The following GRB7 variants were observed in gnomAD, a reference collection of about 807,000 sequenced individuals.
GRB7 encodes growth factor receptor bound protein 7.
GRB7 carries 47 observed loss-of-function variants against 64.1 expected under a neutral mutation model. The ratio of observed to expected loss-of-function variants is 0.73; its 90% CI spans 0.58 to 0.94. The LOEUF is 0.94. Ranked by LOEUF, GRB7 falls within the 40% of genes least tolerant of loss-of-function variation. GRB7 has a pLI of 0.00. For synonymous variants in GRB7, 277 were observed against 279.9 expected, an observed-to-expected ratio of 0.99 and a Z score of 0.10; for missense variants, 634 against 718.4, an observed-to-expected ratio of 0.88 and a Z score of 1.34.
intron 3 of GRB7, 76 bp downstream of exon 3, chr17:39,742,792 G>C: frequency 6.6e-7 from 1 of 1,522,900 alleles, no homozygotes; most frequent in Non-Finnish European, 8.8e-7. Context: ...CGCTTCCATG[G>C]AGGCAGGGGA....
chr17:39,744,823 A>G, intron 8 of GRB7, 63 bp from the exon 9 acceptor site: 2 of 1,432,826 alleles, frequency 1.4e-6, no homozygotes, highest in Non-Finnish European at 2.0e-6. Flanking sequence ...TGCTATGTGG[A>G]GCAGGGGCAG....
intron 11 of GRB7, 29 bp downstream of exon 11, chr17:39,745,567 G>A (rs1319234160): frequency 6.3e-7 from 1 of 1,578,686 alleles, no homozygotes; most frequent in African/African-American, 1.3e-5. Flanking sequence ...GTGTGTGTTT[G>A]TGCTGGGGAC....
intron 1 of GRB7, among the ~76,000 whole-genome samples, chr17:39,739,692 T>TGGGAGGAC (rs1280659400): frequency 6.6e-6 from 1 of 152,190 alleles, no homozygotes; most frequent in Non-Finnish European, 1.5e-5. Flanking sequence ...ACAAGGAGGT[T>TGGGAGGAC]GGGAGGACGG....
intron 1 of GRB7, among the ~76,000 whole-genome samples, chr17:39,741,244 C>T (rs1362126041): frequency 6.6e-6 from 1 of 152,154 alleles, no homozygotes; most frequent in Non-Finnish European, 1.5e-5. Context: ...GTCATTCAGT[C>T]TGAATGTGGA....
chr17:39,745,864 A>G (rs199655954), intron 12 of GRB7, 49 bp from the exon 13 acceptor site: 3 of 1,610,588 alleles, frequency 1.9e-6, no homozygotes, highest in African/African-American at 2.7e-5. Context: ...AGTAGATGGT[A>G]TAGGGGTCCC....
In GRB7 at chr17:39,744,336, ATC is replaced by A. The variant is rs1428200978; in HGVS notation, c.801+134_801+135del. 9 of 1,124,150 alleles carry A rather than the reference ATC, an allele frequency of 8.0e-6. No homozygotes were observed. The South Asian group carries it at 8.7e-5, about 11-fold the overall frequency. 69.6% of individuals were successfully genotyped at this position (1,124,150 alleles called of 1,614,324 possible). A position where few individuals can be genotyped will look rare whatever the true frequency, so the allele number is the denominator to read the frequency against. ...CCAGGCCAGCCACCTCCAGTTTACCATCTCTCCCTACATCCTTGCCTAGCTCA... is the reference window on the plus strand; with the variant it reads ...CCAGGCCAGCCACCTCCAGTTTACCATCTCCCTACATCCTTGCCTAGCTCA... On this transcript the variant is annotated intron_variant, in intron 7 of 14. Coordinates refer to ENST00000309156, the MANE Select transcript of GRB7 (RefSeq NM_005310.5).
intron 1 of GRB7, among the ~76,000 whole-genome samples, chr17:39,741,995 A>AAG (rs2059998624): frequency 8.6e-6 from 1 of 116,382 alleles, no homozygotes; most frequent in African/African-American, 3.4e-5. Flanking sequence ...AAAAAAAAGG[A>AAG]GAAAAAAAAC....
intron 1 of GRB7, among the ~76,000 whole-genome samples, chr17:39,740,750 G>A (rs1159184780): frequency 6.6e-6 from 1 of 152,164 alleles, no homozygotes; most frequent in Non-Finnish European, 1.5e-5. Context: ...GGCTGTTTTT[G>A]TTTCTCCTAA....
chr17:39,741,024 G>T (rs954412916), intron 1 of GRB7, among the ~76,000 whole-genome samples: 1 of 152,146 alleles, frequency 6.6e-6, no homozygotes, highest in African/African-American at 2.4e-5. Flanking sequence ...TTCCTGCGGA[G>T]AAGGTGCCAG....
Position 39,745,321 on chromosome 17 carries a change from T to C in GRB7, c.1090T>C (p.Leu364=). 6.2e-7 allele frequency: 1 copy of C among 1,611,502 alleles called. No homozygotes were observed. The highest frequency in any genetic ancestry group is 8.5e-7 in the Non-Finnish European group (1 of 1,178,400). Residue 364 remains leucine, a splice_region_variant and synonymous_variant, in exon 10 of 15, where the codon TTG becomes CTG. Transcript: ENST00000309156. ...TCCATCTTGTTTGGGCTCCCCACCC[T>C]TGGTGAGTGTGCCCAAGGGGATGGG... ...LHPSCLGSPP[L]RSASDNTLVA... is the part of the protein sequence containing the mutation.
chr17:39,742,212 G>A (rs1245730031), intron 1 of GRB7, 40 bp from the exon 2 acceptor site: 1 of 1,460,434 alleles, frequency 6.8e-7, no homozygotes, highest in Non-Finnish European at 9.6e-7. Context: ...ACCGCCGTGT[G>A]AGGTCAGGAG....
chr17:39,739,032 T>C, intron 1 of GRB7: 1 of 948,692 alleles, frequency 1.1e-6, no homozygotes, highest in Non-Finnish European at 1.5e-6. Context: ...GGGTGGGGGA[T>C]AGCAGATGGT....
At chr17:39,740,693 G>A (rs576128179) in intron 1 of GRB7, among the ~76,000 whole-genome samples, 1 of 152,240 alleles carries the variant, frequency 6.6e-6, no homozygotes, top group South Asian at 2.1e-4. Flanking sequence ...CCCCCATTCC[G>A]CTCTGGCTAG....
intron 1 of GRB7, among the ~76,000 whole-genome samples, chr17:39,741,795 G>A (rs1026082099): frequency 5.9e-5 from 9 of 152,034 alleles, no homozygotes; most frequent in South Asian, 2.1e-4. Context: ...CAAGGCGGGC[G>A]GATCAGGAGT....
Position 39,743,448 on chromosome 17 carries a change from T to TG in GRB7, c.641_642insG (p.Ile214MetfsTer4). ...AGCTGTCTCGATGCACACACTGGTA[T>TG]ATCCCATGAAGACCTCATCCAGGTG... On this transcript the variant is annotated frameshift_variant, in exon 6 of 15. Transcript: ENST00000309156. LOFTEE classifies it high-confidence loss of function. The TG allele has an allele frequency of 8.7e-6, 14 of 1,614,148 alleles. No homozygotes were observed. Among genetic ancestry groups the TG allele is most frequent in the Non-Finnish European group, 1.2e-5 (14 of 1,180,018 alleles).
rs2060010179 is a variant in GRB7, at chr17:39,742,990, G to C, written c.399G>C (p.Gln133His). ...TARHVCEMLV[Q>H]RAHALSDETW... ...GCCACGTGTGTGAAATGCTGGTGCA[G>C]CGAGCTCACGCCTTGAGCGACGAGA... The change falls in exon 4 of 15, where the codon CAG (glutamine) becomes CAC (histidine). Residue 133 changes from glutamine to histidine, a missense_variant. Coordinates refer to ENST00000309156, the MANE Select transcript of GRB7 (RefSeq NM_005310.5). The C allele has an allele frequency of 1.2e-6, 2 of 1,613,212 alleles. No homozygotes were observed. The highest frequency in any genetic ancestry group is 1.7e-5 in the Admixed American group (1 of 59,922).
chr17:39,745,693 G>T, intron 11 of GRB7, 35 bp from the exon 12 acceptor site: 4 of 1,609,456 alleles, frequency 2.5e-6, no homozygotes, highest in Admixed American at 1.7e-5. Flanking sequence ...CCCCAAGCAC[G>T]CCCCGACTCT....
At position 39,745,928 on chromosome 17, in the gene GRB7, A is replaced by G; in HGVS notation, c.1286A>G (p.Gln429Arg). The G allele has an allele frequency of 1.2e-6, 2 of 1,614,014 alleles. No individual in the cohort carries two copies. Among genetic ancestry groups the G allele is most frequent in the Non-Finnish European group, 1.7e-6 (2 of 1,179,920 alleles). The change falls in exon 13 of 15, where the codon CAA becomes CGA. Residue 429 changes from glutamine (Q) to arginine (R), a missense_variant. Gln to Arg is a conservative substitution (Grantham distance 43). Around this residue, in one of 2 missense-constraint regions of GRB7, gnomAD observed 467 missense variants for 576.6 expected, o/e 0.81. Transcript: ENST00000309156. ...TSLSAAIHRT[Q>R]LWFHGRISRE... ...CCCACCACAGCCATCCACCGCACCC[A>G]ACTCTGGTTCCACGGGCGCATTTCC...
chr17:39,743,344 C>T, intron 5 of GRB7, 43 bp downstream of exon 5: 1 of 1,614,186 alleles, frequency 6.2e-7, no homozygotes, highest in Non-Finnish European at 8.5e-7. Flanking sequence ...TGCCCTGATC[C>T]TCAACCTGGA....
Sources: allele counts gnomAD v4.1 joint callset (sites outside exome capture counted in the v4.1 genomes callset), GRCh38; gene constraint gnomAD v4.1.1; regional missense constraint gnomAD v4.1.1; transcripts MANE v1.5; gene names NCBI Gene and HGNC (gene_info 2026-07-23, HGNC 2026-07-21).